Variants in KCNK2 observed in about 807,000 individuals in gnomAD.
KCNK2 encodes the protein potassium channel subfamily K member 2.
KCNK2 carries 21 observed loss-of-function variants against 40.5 expected under a neutral mutation model. The ratio of observed to expected loss-of-function variants is 0.52; its 90% CI spans 0.37 to 0.75. KCNK2 has a LOEUF of 0.75. Among genes scored for constraint, KCNK2 ranks in the 30% least tolerant of loss-of-function variants. The pLI is 0.00. For synonymous variants in KCNK2, 191 were observed against 202.2 expected (o/e 0.94, Z 0.47); for missense variants, 399 against 531.6 (o/e 0.75, Z 2.45).
intron 5 of KCNK2, among the ~76,000 whole-genome samples, chr1:215,175,993 T>C (rs1571696692): frequency 2.6e-5 from 4 of 152,266 alleles, no homozygotes. Flanking sequence ...TAGATTTCTT[T>C]TCCTTTGCAT....
At position 215,010,103 on chromosome 1, in the gene KCNK2, A is replaced by G. The variant is rs145875875; in HGVS notation, c.34+4148A>G. Among the ~76,000 whole-genome samples, 717 of 152,266 alleles carry G rather than the reference A, an allele frequency of 4.7e-3. 1 individual carries two copies. The highest frequency in any genetic ancestry group is 0.017 in the African/African-American group (689 of 41,546). The stretch of plus-strand genomic sequence containing the variant: ...GAATAGATTTTGAGGCTTGGGGCAT[A>G]GTTACATCTGTTTATTTGAGTCTAG... On this transcript the variant is annotated intron_variant, in intron 1 of 6. Transcript: ENST00000391895.
At position 215,083,195 on chromosome 1, in the gene KCNK2, C is replaced by CCCCCCCCCCCCCCCCCCCCCCT; in HGVS notation, c.-183_-182insCCCCCCCCCCCCCTCCCCCCCC. Reference sequence around the variant, plus strand: ...CCGCGATTTCGTTTCTTCTCACGCTCCCCCCCCCGCCCCCTCCCGCGTCCA... The same window carrying CCCCCCCCCCCCCCCCCCCCCCT: ...CCGCGATTTCGTTTCTTCTCACGCTCCCCCCCCCCCCCCCCCCCCCCTCCCCCCCCGCCCCCTCCCGCGTCCA... On this transcript the variant is annotated 5_prime_UTR_variant, in exon 1 of 7. Coordinates refer to ENST00000444842, the MANE Select transcript of KCNK2 (RefSeq NM_001017425.3). 3 of 224,724 alleles carry CCCCCCCCCCCCCCCCCCCCCCT rather than the reference C, an allele frequency of 1.3e-5. No individual in the cohort carries two copies. The highest frequency in any genetic ancestry group is 6.2e-5 in the South Asian group (1 of 16,110). 13.9% of individuals were successfully genotyped at this position (224,724 alleles called of 1,614,324 possible).
At chr1:215,085,397 G>T (rs1011694419) in intron 1 of KCNK2, among the ~76,000 whole-genome samples, 1 of 152,024 alleles carries the variant, frequency 6.6e-6, no homozygotes, top group Non-Finnish European at 1.5e-5. Context: ...TAGAAGTCTA[G>T]TATCTCTTAT....
chr1:215,170,870 T>C (rs918970088), intron 4 of KCNK2, among the ~76,000 whole-genome samples: 1 of 152,142 alleles, frequency 6.6e-6, no homozygotes, highest in Non-Finnish European at 1.5e-5. Flanking sequence ...TTATGTTGCA[T>C]ATATACCAGT....
intron 5 of KCNK2, among the ~76,000 whole-genome samples, chr1:215,193,273 TG>T (rs1664739948): frequency 6.6e-6 from 1 of 152,164 alleles, no homozygotes; most frequent in Non-Finnish European, 1.5e-5. Flanking sequence ...TTTTGTGAAT[TG>T]GGCAAATCCA....
At chr1:215,040,267 C>G (rs1657520480) in intron 1 of KCNK2, among the ~76,000 whole-genome samples, 1 of 152,220 alleles carries the variant, frequency 6.6e-6, no homozygotes, top group Admixed American at 6.5e-5. Flanking sequence ...AAACTTGTTA[C>G]CATTAATTCT....
Position 215,111,069 on chromosome 1 carries a change from A to G in KCNK2, c.358-13564A>G, listed in dbSNP as rs137917286. Among the ~76,000 whole-genome samples, 121 of 152,264 alleles carry G rather than the reference A, an allele frequency of 7.9e-4. 2 individuals carry two copies. The East Asian group carries it at 0.02, about 26-fold the overall frequency. On this transcript the variant is annotated intron_variant, in intron 2 of 6. Coordinates refer to ENST00000444842, the MANE Select transcript of KCNK2 (RefSeq NM_001017425.3). The stretch of plus-strand genomic sequence containing the variant: ...ATAATTTGCTTTTTCAGAATGTCAT[A>G]TAGTTGGAATTATATAGCATGTAGC...
At chr1:215,127,396 T>C (rs1329945355) in intron 3 of KCNK2, among the ~76,000 whole-genome samples, 1 of 152,184 alleles carries the variant, frequency 6.6e-6, no homozygotes, top group Non-Finnish European at 1.5e-5. Flanking sequence ...CTTTCCAAAG[T>C]TATACCCTTC....
In KCNK2 at chr1:215,086,615, G is replaced by C; in HGVS notation, c.294G>C (p.Gln98His). ...EISQRTTIVI[Q>H]KQTFISQHSC... ...CACAGAGGACCACCATTGTGATCCA[G>C]AAGCAAACATTCATATCCCAACATT... The change falls in exon 2 of 7, where the codon CAG becomes CAC. Residue 98 changes from glutamine (Q) to histidine (H), a missense_variant. This residue lies in a region of KCNK2 where 279 missense variants were observed against 353.8 expected (regional missense o/e 0.79). Transcript: ENST00000444842. 6.2e-7 allele frequency: 1 copy of C among 1,614,174 alleles called. No homozygotes were observed.
intron 1 of KCNK2, among the ~76,000 whole-genome samples, chr1:215,036,830 A>T (rs533788856): frequency 6.6e-6 from 1 of 151,994 alleles, no homozygotes; most frequent in South Asian, 2.1e-4. Flanking sequence ...AATTGTTTGT[A>T]CTAGTATATA....
chr1:215,133,116 G>A (rs1421284891), intron 3 of KCNK2, among the ~76,000 whole-genome samples: 1 of 152,180 alleles, frequency 6.6e-6, no homozygotes, highest in African/African-American at 2.4e-5. Context: ...GCAAGAGAAA[G>A]TTTGCATATT....
At chr1:215,058,284 G>A (rs1658238919) in intron 1 of KCNK2, among the ~76,000 whole-genome samples, 1 of 152,030 alleles carries the variant, frequency 6.6e-6, no homozygotes, top group African/African-American at 2.4e-5. Flanking sequence ...TCCTTTTAGG[G>A]GATACAGGAT....
chr1:215,099,485 A>G (rs966616915), intron 2 of KCNK2, among the ~76,000 whole-genome samples: 1 of 151,988 alleles, frequency 6.6e-6, no homozygotes, highest in African/African-American at 2.4e-5. Flanking sequence ...AAGTGCTACT[A>G]TTTGTGGACT....
At position 215,059,573 on chromosome 1, in the gene KCNK2, G is replaced by A. The variant is rs374829650; in HGVS notation, c.35-26795G>A. Among the ~76,000 whole-genome samples, 162 of 152,200 alleles carry A rather than the reference G, an allele frequency of 1.1e-3. 5 individuals carry two copies. In the South Asian group the frequency reaches 0.031, roughly 29 times the overall value. On this transcript the variant is annotated intron_variant, in intron 1 of 6. Transcript: ENST00000391895. ...CCCAAGTCAGCTCAAGGTATCCATC[G>A]CCTTGGGGTGAAATTGGGATTAGAA...
intron 1 of KCNK2, among the ~76,000 whole-genome samples, chr1:215,044,894 G>A (rs903038000): frequency 6.6e-6 from 1 of 151,850 alleles, no homozygotes; most frequent in Non-Finnish European, 1.5e-5. Context: ...AGTTAGGCCG[G>A]GCACAGTGGC....
At chr1:215,114,302 A>G (rs1189789626) in intron 2 of KCNK2, among the ~76,000 whole-genome samples, 1 of 152,114 alleles carries the variant, frequency 6.6e-6, no homozygotes, top group African/African-American at 2.4e-5. Flanking sequence ...AAACATGAGG[A>G]AAGGTGCCAA....
At chr1:215,073,050 CAG>C (rs1339047297) in intron 1 of KCNK2, among the ~76,000 whole-genome samples, 1 of 152,078 alleles carries the variant, frequency 6.6e-6, no homozygotes, top group Non-Finnish European at 1.5e-5. Flanking sequence ...AATTTGGACA[CAG>C]AGACAGATAC....
intron 2 of KCNK2, among the ~76,000 whole-genome samples, chr1:215,097,382 C>G (rs935465790): frequency 2.6e-5 from 4 of 151,552 alleles, no homozygotes; most frequent in African/African-American, 4.8e-5. Flanking sequence ...ACCTTCTCTT[C>G]CCCTCTCTTT....
chr1:215,127,682 A>AT (rs1241270623), intron 3 of KCNK2, among the ~76,000 whole-genome samples: 1 of 152,156 alleles, frequency 6.6e-6, no homozygotes, highest in Non-Finnish European at 1.5e-5. Flanking sequence ...TCCCTTGCTG[A>AT]TTTTTCATAG....
Sources: allele counts gnomAD v4.1 joint callset (sites outside exome capture counted in the v4.1 genomes callset), GRCh38; gene constraint gnomAD v4.1.1; regional missense constraint gnomAD v4.1.1; transcripts MANE v1.5; gene names NCBI Gene and HGNC (gene_info 2026-07-23, HGNC 2026-07-21).